Variants in KLF7 observed in about 807,000 individuals in gnomAD.
The protein encoded by KLF7 is Krueppel-like factor 7.
In KLF7, 2 loss-of-function variants were observed where a neutral mutation model predicts 27.3. The observed-to-expected ratio is 0.07, with a 90% CI of 0.03 to 0.23. The LOEUF is 0.23. KLF7 is among the 10% of genes least tolerant of loss of function. The pLI, the probability that KLF7 is intolerant of heterozygous loss-of-function variation, is 1.00. For synonymous variants in KLF7, 165 were observed against 162.4 expected, an observed-to-expected ratio of 1.02 and a Z score of -0.12; for missense variants, 221 against 394.1, an observed-to-expected ratio of 0.56 and a Z score of 3.72.
At chr2:207,081,430 G>A (rs1224286049) in intron 3 of KLF7, among the ~76,000 whole-genome samples, 166 bp from the exon 4 acceptor site, 1 of 152,170 alleles carries the variant, frequency 6.6e-6, no homozygotes, top group African/African-American at 2.4e-5. Context: ...AAATGTTTGG[G>A]TTTAAATCCT....
chr2:207,159,813 G>A (rs890932085), intron 1 of KLF7, among the ~76,000 whole-genome samples: 1 of 152,114 alleles, frequency 6.6e-6, no homozygotes, highest in South Asian at 2.1e-4. Flanking sequence ...GGTACTGCTC[G>A]AATGGAGGGG....
At chr2:207,165,251 C>A (rs1290333658) in intron 1 of KLF7, among the ~76,000 whole-genome samples, 1 of 152,130 alleles carries the variant, frequency 6.6e-6, no homozygotes, top group Non-Finnish European at 1.5e-5. Context: ...GCAGCTCGCA[C>A]CGGCTGCTCA....
chr2:207,146,790 C>T (rs965501819), intron 1 of KLF7, among the ~76,000 whole-genome samples: 2 of 152,178 alleles, frequency 1.3e-5, no homozygotes, highest in Admixed American at 1.3e-4. Context: ...GTCTCTCATC[C>T]GGCCTCTTTC....
chr2:207,127,884 T>C (rs1435606921), intron 1 of KLF7, among the ~76,000 whole-genome samples: 1 of 152,122 alleles, frequency 6.6e-6, no homozygotes, highest in Non-Finnish European at 1.5e-5. Context: ...AACTGAGGTA[T>C]TAGTATTTCC....
intron 2 of KLF7, among the ~76,000 whole-genome samples, chr2:207,106,843 G>A (rs904992911): frequency 6.6e-6 from 1 of 152,158 alleles, no homozygotes; most frequent in African/African-American, 2.4e-5. Context: ...GAAGAAGGGT[G>A]GGGTCTGCTC....
intron 2 of KLF7, among the ~76,000 whole-genome samples, chr2:207,090,932 C>T (rs528867453): frequency 3.2e-4 from 48 of 152,234 alleles, no homozygotes; most frequent in African/African-American, 9.6e-4. Context: ...AAATTCAAAA[C>T]GCCCTCCACC....
At chr2:207,164,811 G>T (rs1384595749) in intron 1 of KLF7, among the ~76,000 whole-genome samples, 2 of 152,156 alleles carry the variant, frequency 1.3e-5, no homozygotes, top group Non-Finnish European at 2.9e-5. Flanking sequence ...TTCTCTTTCT[G>T]GAGGGATCAC....
upstream of KLF7, among the ~76,000 whole-genome samples, chr2:207,171,003 G>A (rs533168503): frequency 6.6e-6 from 1 of 150,512 alleles, no homozygotes. Flanking sequence ...TTTTCTGATG[G>A]ATCTGGGCAA....
intron 1 of KLF7, among the ~76,000 whole-genome samples, chr2:207,144,810 G>A (rs184173724): frequency 1.1e-4 from 16 of 152,270 alleles, no homozygotes; most frequent in Admixed American, 3.3e-4. Context: ...TCTTTATGAA[G>A]TCGTGGTTGG....
intron 3 of KLF7, among the ~76,000 whole-genome samples, chr2:207,082,990 A>G (rs1181041247): frequency 2.6e-5 from 4 of 152,230 alleles, no homozygotes; most frequent in Non-Finnish European, 5.9e-5. Flanking sequence ...AAAAATGCGA[A>G]AAGTACAACT....
intron 2 of KLF7, among the ~76,000 whole-genome samples, chr2:207,102,570 T>C (rs1237113349): frequency 6.6e-6 from 1 of 152,186 alleles, no homozygotes; most frequent in Admixed American, 6.5e-5. Flanking sequence ...AGAAACCTAG[T>C]TTTCATGCAA....
At chr2:207,149,484 C>T (rs1205930273) in intron 1 of KLF7, among the ~76,000 whole-genome samples, 3 of 152,208 alleles carry the variant, frequency 2.0e-5, no homozygotes, top group African/African-American at 4.8e-5. Context: ...CTCTGCTCAG[C>T]GGTGGTGCTG....
intron 3 of KLF7, among the ~76,000 whole-genome samples, chr2:207,087,816 T>C (rs1405459392): frequency 6.6e-6 from 1 of 152,202 alleles, no homozygotes; most frequent in Non-Finnish European, 1.5e-5. Context: ...TTGGGTAGTA[T>C]CTGTTGCTAC....
At chr2:207,131,350 G>T (rs953735137) in intron 1 of KLF7, among the ~76,000 whole-genome samples, 2 of 152,214 alleles carry the variant, frequency 1.3e-5, no homozygotes, top group African/African-American at 4.8e-5. Context: ...TGGTGTCACA[G>T]TCCCCAAAGA....
intron 1 of KLF7, among the ~76,000 whole-genome samples, chr2:207,147,594 T>G (rs2078130518): frequency 1.3e-5 from 2 of 152,156 alleles, no homozygotes; most frequent in African/African-American, 4.8e-5. Flanking sequence ...CGGAGGAGTC[T>G]GAAGGCTTCT....
At chr2:207,158,854 G>T (rs2078461876) in intron 1 of KLF7, among the ~76,000 whole-genome samples, 1 of 152,136 alleles carries the variant, frequency 6.6e-6, no homozygotes, top group Non-Finnish European at 1.5e-5. Context: ...AAAGAGAAAA[G>T]AATCAGAAGT....
intron 1 of KLF7, among the ~76,000 whole-genome samples, chr2:207,146,260 CCA>C (rs1303674647): frequency 1.3e-5 from 2 of 152,108 alleles, no homozygotes; most frequent in Non-Finnish European, 2.9e-5. Flanking sequence ...TGTATATTCC[CCA>C]CATTCTCTCC....
chr2:207,151,496 G>T (rs1445327656), intron 1 of KLF7, among the ~76,000 whole-genome samples: 1 of 152,072 alleles, frequency 6.6e-6, no homozygotes, highest in East Asian at 1.9e-4. Flanking sequence ...AAGAGCTCCT[G>T]GGTGCAAAAG....
At chr2:207,130,196 A>G (rs900281530) in intron 1 of KLF7, among the ~76,000 whole-genome samples, 2 of 152,162 alleles carry the variant, frequency 1.3e-5, no homozygotes, top group Non-Finnish European at 2.9e-5. Context: ...GCTCGAAACA[A>G]TCTTCCTTTC....
Sources: gnomAD v4.1 joint callset for allele counts (sites outside exome capture counted in the v4.1 genomes callset) on GRCh38, gnomAD v4.1.1 for gene constraint, MANE v1.5 for transcripts, NCBI Gene and HGNC (gene_info 2026-07-23, HGNC 2026-07-21) for gene names.